Variants in GSE1 observed in about 807,000 individuals in gnomAD.
GSE1 encodes genetic suppressor element 1.
A neutral mutation model predicts 112.6 loss-of-function variants in GSE1; 32 were observed. The observed-to-expected ratio is 0.28, with a 90% CI of 0.21 to 0.38. The LOEUF (loss-of-function observed/expected upper bound fraction) is 0.38. Among genes scored for constraint, GSE1 ranks in the 10% least tolerant of loss-of-function variants. GSE1 has a pLI of 1.00. For synonymous variants in GSE1, 1,115 were observed against 735.6 expected (o/e 1.52, Z -8.35); for missense variants, 2,348 against 1,699.2 (o/e 1.38, Z -6.71).
At chr16:85,616,396 C>T (rs997742349) in intron 1 of GSE1, among the ~76,000 whole-genome samples, 34 of 152,184 alleles carry the variant, frequency 2.2e-4, no homozygotes, top group African/African-American at 7.2e-4. Context: ...CTTGTGGAGT[C>T]GGCTAGCAGG....
chr16:85,326,361 T>G (rs2046228456), intron 1 of GSE1, among the ~76,000 whole-genome samples: 1 of 152,222 alleles, frequency 6.6e-6, no homozygotes, highest in African/African-American at 2.4e-5. Flanking sequence ...TGGGGATGAT[T>G]GTTGTTGGGT....
chr16:85,658,156 T>G (rs566758339), intron 8 of GSE1, among the ~76,000 whole-genome samples: 2 of 152,356 alleles, frequency 1.3e-5, no homozygotes. Flanking sequence ...ACAGGTCTTA[T>G]GAGCTGGGCC....
intron 8 of GSE1, among the ~76,000 whole-genome samples, chr16:85,660,630 C>CTT (rs879637645): frequency 6.7e-6 from 1 of 149,458 alleles, no homozygotes; most frequent in African/African-American, 2.5e-5. Flanking sequence ...CAGAGTGAGT[C>CTT]TTTTTTTTTG....
At position 85,665,141 on chromosome 16, in the gene GSE1, T is replaced by C. The variant is rs781655564; in HGVS notation, c.2758+13T>C. On this transcript the variant is annotated intron_variant, in intron 12 of 15. Coordinates refer to ENST00000253458, the MANE Select transcript of GSE1 (RefSeq NM_014615.5). Reference sequence around the variant, plus strand: ...GTCTCCCTGAGTGGTAAGGGAAGGATAGCCCCACCTGCCACCACCCAGGAC... The same window carrying C: ...GTCTCCCTGAGTGGTAAGGGAAGGACAGCCCCACCTGCCACCACCCAGGAC... 6 of 1,484,280 alleles carry C rather than the reference T, an allele frequency of 4.0e-6. No individual in the cohort carries two copies. Among genetic ancestry groups the C allele is most frequent in the East Asian group, 4.5e-5 (2 of 44,306 alleles). 91.9% of individuals were successfully genotyped at this position (1,484,280 alleles called of 1,614,324 possible). A position where few individuals can be genotyped will look rare whatever the true frequency, so the allele number is the denominator to read the frequency against.
intron 2 of GSE1, among the ~76,000 whole-genome samples, chr16:85,422,254 C>T (rs908858746): frequency 2.0e-5 from 3 of 152,142 alleles, no homozygotes; most frequent in Admixed American, 6.5e-5. Flanking sequence ...TTGACATTAT[C>T]GGCATGAATA....
At chr16:85,203,405 G>A (rs1025352655) in intron 1 of GSE1, among the ~76,000 whole-genome samples, 6 of 152,200 alleles carry the variant, frequency 3.9e-5, no homozygotes, top group Admixed American at 1.3e-4. Flanking sequence ...AGTGGTGAGC[G>A]GGCAGAGCCA....
chr16:85,556,377 G>A (rs1253900290), intron 1 of GSE1: 1 of 983,472 alleles, frequency 1.0e-6, no homozygotes, highest in Non-Finnish European at 1.2e-6. Context: ...AGCGAGCCGT[G>A]CGCCTCCCTG....
chr16:85,262,972 G>A (rs1030348287), intron 1 of GSE1, among the ~76,000 whole-genome samples: 1 of 152,210 alleles, frequency 6.6e-6, no homozygotes, highest in Non-Finnish European at 1.5e-5. Flanking sequence ...CCTGCCCTTA[G>A]GGAGCTGAGC....
chr16:85,172,475 C>T (rs1316459442), intron 1 of GSE1, among the ~76,000 whole-genome samples: 1 of 152,208 alleles, frequency 6.6e-6, no homozygotes, highest in Non-Finnish European at 1.5e-5. Context: ...CTGGCACTCT[C>T]CCTGTTTATA....
At chr16:85,340,669 C>T (rs1187466674) in intron 1 of GSE1, among the ~76,000 whole-genome samples, 2 of 152,176 alleles carry the variant, frequency 1.3e-5, no homozygotes, top group African/African-American at 2.4e-5. Flanking sequence ...AACATCTTCA[C>T]GTGAGCTGTT....
chr16:85,657,025 C>G (rs927367270), intron 7 of GSE1, among the ~76,000 whole-genome samples: 1 of 152,264 alleles, frequency 6.6e-6, no homozygotes, highest in South Asian at 2.1e-4. Flanking sequence ...TTTGAGCCAG[C>G]ATGAGCTGGC....
At position 85,251,230 on chromosome 16, in the gene GSE1, C is replaced by G. The variant is rs186025702; in HGVS notation, c.2283+79423C>G. ...CTCTCCGCAGAGCAGCTTCTTCCAG[C>G]TCTCAGAGGCCTTGCCCTCAGGCTG... is the stretch of plus-strand genomic sequence containing the variant. On this transcript the variant is annotated intron_variant, in intron 1 of 2. Transcript: ENST00000637419. 2.9e-3 allele frequency among the ~76,000 whole-genome samples: 446 copies of G among 152,354 alleles called. 2 individuals carry two copies. The highest frequency in any genetic ancestry group is 9.9e-3 in the African/African-American group (412 of 41,592).
At chr16:85,540,670 C>G (rs1567572032) in intron 2 of GSE1, among the ~76,000 whole-genome samples, 1 of 152,124 alleles carries the variant, frequency 6.6e-6, no homozygotes, top group East Asian at 1.9e-4. Flanking sequence ...GTAATCCCAG[C>G]TTTTTGGGAG....
chr16:85,355,795 C>T (rs1374749691), intron 1 of GSE1, among the ~76,000 whole-genome samples: 3 of 152,204 alleles, frequency 2.0e-5, no homozygotes, highest in South Asian at 4.2e-4. Context: ...CAGAAGCAGG[C>T]GGATCACTTG....
intron 1 of GSE1, among the ~76,000 whole-genome samples, chr16:85,174,588 G>A (rs575702861): frequency 1.6e-4 from 24 of 152,352 alleles, no homozygotes; most frequent in African/African-American, 5.5e-4. Context: ...AGCCAGGCGC[G>A]GTTCCAGATG....
chr16:85,606,964 T>TTC (rs546297352), upstream of GSE1, among the ~76,000 whole-genome samples: 113 of 152,282 alleles, frequency 7.4e-4, no homozygotes, highest in African/African-American at 2.6e-3. Flanking sequence ...ATGCAAATAT[T>TTC]TCTTTTATAG....
chr16:85,640,672 C>T (rs60899234), intron 2 of GSE1, among the ~76,000 whole-genome samples: 7,771 of 152,342 alleles, frequency 0.051, 704 homozygotes, highest in African/African-American at 0.18. Context: ...ACCGTGGAGC[C>T]GGCCTGGGCG....
chr16:85,320,247 G>A (rs2046074436), intron 1 of GSE1, among the ~76,000 whole-genome samples: 1 of 152,208 alleles, frequency 6.6e-6, no homozygotes, highest in South Asian at 2.1e-4. Context: ...TCCGTGGAGG[G>A]AGTGGGCGGC....
intron 1 of GSE1, among the ~76,000 whole-genome samples, chr16:85,305,835 G>T (rs142862302): frequency 2.0e-5 from 3 of 152,076 alleles, no homozygotes. Context: ...CACACTTGTA[G>T]TCCCAGAACT....
Sources: gnomAD v4.1 joint callset for allele counts (sites outside exome capture counted in the v4.1 genomes callset) on GRCh38, gnomAD v4.1.1 for gene constraint, MANE v1.5 for transcripts, NCBI Gene and HGNC (gene_info 2026-07-23, HGNC 2026-07-21) for gene names.